FHOD3: variants seen among roughly 807,000 people sequenced by gnomAD.
FHOD3 encodes the protein formin homology 2 domain containing 3.
A neutral mutation model predicts 173.0 loss-of-function variants in FHOD3; 90 were observed. That is an observed-to-expected ratio of 0.52 (90% CI 0.44 to 0.62). The LOEUF is 0.62. FHOD3 is among the 20% of genes least tolerant of loss of function. The pLI, the probability that FHOD3 is intolerant of heterozygous loss-of-function variation, is 0.00. For missense variants in FHOD3, 1,945 were observed against 2,034.7 expected (o/e 0.96, Z 0.85); for synonymous variants, 828 against 823.0 (o/e 1.01, Z -0.10).
chr18:36,555,937 A>G (rs2057862034), intron 5 of FHOD3, among the ~76,000 whole-genome samples: 1 of 152,078 alleles, frequency 6.6e-6, no homozygotes, highest in Admixed American at 6.6e-5. Flanking sequence ...TTCTCTTTAT[A>G]TGAAAAGATC....
chr18:36,391,768 GA>G (rs33967498), intron 3 of FHOD3, among the ~76,000 whole-genome samples: 6,593 of 152,158 alleles, frequency 0.043, 476 homozygotes, highest in African/African-American at 0.15. Context: ...ATGAGATGAT[GA>G]GACACCTCCT....
intron 3 of FHOD3, among the ~76,000 whole-genome samples, chr18:36,493,213 C>CTTTTTTTTTTT (rs60189688): frequency 2.9e-5 from 4 of 138,158 alleles, no homozygotes; most frequent in Admixed American, 7.2e-5. Context: ...TTTTCTTTTT[C>CTTTTTTTTTTT]TTTTTTTTTT....
At chr18:36,667,163 C>G (rs141940891) in intron 14 of FHOD3, among the ~76,000 whole-genome samples, 23 of 152,260 alleles carry the variant, frequency 1.5e-4, no homozygotes, top group Middle Eastern at 3.4e-3. Flanking sequence ...TGTTGATAGA[C>G]ACTTGGGTTG....
At chr18:36,472,335 A>G (rs953308589) in intron 3 of FHOD3, among the ~76,000 whole-genome samples, 2 of 152,226 alleles carry the variant, frequency 1.3e-5, no homozygotes, top group South Asian at 4.1e-4. Flanking sequence ...TTTATGGATG[A>G]GAAAAAACCA....
At chr18:36,438,869 T>C (rs565296823) in intron 3 of FHOD3, among the ~76,000 whole-genome samples, 2 of 152,352 alleles carry the variant, frequency 1.3e-5, no homozygotes, top group Non-Finnish European at 1.5e-5. Context: ...CTGACATCCG[T>C]GTGGCCTCAG....
At chr18:36,612,172 C>A in intron 9 of FHOD3, 77 bp downstream of exon 9, 1 of 1,502,236 alleles carries the variant, frequency 6.7e-7, no homozygotes, top group Non-Finnish European at 9.0e-7. Flanking sequence ...CTACTTTAGA[C>A]CACGCGTAAA....
intron 3 of FHOD3, among the ~76,000 whole-genome samples, chr18:36,471,299 C>T (rs917761584): frequency 3.4e-4 from 52 of 152,236 alleles, no homozygotes; most frequent in African/African-American, 1.2e-3. Context: ...GGCCCCACAC[C>T]CCAGCTCTGG....
At chr18:36,357,112 T>C (rs1047837302) in intron 2 of FHOD3, among the ~76,000 whole-genome samples, 1 of 152,232 alleles carries the variant, frequency 6.6e-6, no homozygotes, top group Admixed American at 6.5e-5. Context: ...GTCCACTGAA[T>C]ACTATCTGGG....
intron 3 of FHOD3, among the ~76,000 whole-genome samples, chr18:36,493,395 G>A (rs943198411): frequency 1.5e-4 from 23 of 151,974 alleles, no homozygotes; most frequent in African/African-American, 5.6e-4. Flanking sequence ...GTGAGGCTGC[G>A]GGTTGAAATG....
chr18:36,316,594 T>C lies in FHOD3; in HGVS notation c.165+18594T>C, dbSNP rs1042818683. On this transcript the variant is annotated intron_variant, in intron 1 of 28. Transcript: ENST00000590592. ...TGGTGTTATTAATGTTTTAGTAGTT[T>C]CCGATCAGTTTATTTAGGGCTCAGA... 2.0e-5 allele frequency among the ~76,000 whole-genome samples: 3 copies of C among 152,210 alleles called. No homozygotes were observed. In the East Asian group the frequency reaches 5.8e-4, roughly 29 times the overall value.
At chr18:36,404,407 A>G (rs1422923643) in intron 3 of FHOD3, among the ~76,000 whole-genome samples, 1 of 152,232 alleles carries the variant, frequency 6.6e-6, no homozygotes, top group Non-Finnish European at 1.5e-5. Context: ...AGTTGATAAA[A>G]TGAATTAAAT....
In FHOD3 at chr18:36,441,701, A is replaced by T. The variant is rs370447506; in HGVS notation, c.338-60231A>T. On this transcript the variant is annotated intron_variant, in intron 3 of 28. Coordinates refer to ENST00000590592, the MANE Select transcript of FHOD3 (RefSeq NM_001281740.3). Reference sequence around the variant, plus strand: ...CTTCGCACAAACAGCTGTGCTGTGTAATTGCCGTGATGCTCCTTAATTATA... The same window carrying T: ...CTTCGCACAAACAGCTGTGCTGTGTTATTGCCGTGATGCTCCTTAATTATA... 2.3e-4 allele frequency among the ~76,000 whole-genome samples: 35 copies of T among 152,334 alleles called. No individual in the cohort carries two copies. The South Asian group carries it at 7.0e-3, about 31-fold the overall frequency.
intron 3 of FHOD3, among the ~76,000 whole-genome samples, chr18:36,452,884 A>G (rs147824571): frequency 2.6e-5 from 4 of 152,146 alleles, no homozygotes; most frequent in Non-Finnish European, 5.9e-5. Flanking sequence ...ATATGTGTGT[A>G]TATATATGCA....
chr18:36,348,515 C>G (rs2045970716), intron 1 of FHOD3, among the ~76,000 whole-genome samples: 1 of 152,116 alleles, frequency 6.6e-6, no homozygotes, highest in African/African-American at 2.4e-5. Context: ...TGAAATTCTT[C>G]CAAGTTTTAT....
chr18:36,509,295 C>T (rs1383585353), intron 4 of FHOD3, among the ~76,000 whole-genome samples: 1 of 151,846 alleles, frequency 6.6e-6, no homozygotes, highest in East Asian at 1.9e-4. Context: ...GGCATGGTGG[C>T]GGGCGCCTGT....
intron 3 of FHOD3, among the ~76,000 whole-genome samples, chr18:36,445,036 G>A (rs760638438): frequency 1.3e-5 from 2 of 152,208 alleles, no homozygotes; most frequent in Non-Finnish European, 2.9e-5. Flanking sequence ...AAAGATTGTA[G>A]TAAGGTAATC....
intron 3 of FHOD3, among the ~76,000 whole-genome samples, chr18:36,428,032 T>C (rs1000772085): frequency 2.6e-5 from 4 of 152,220 alleles, no homozygotes; most frequent in African/African-American, 9.6e-5. Flanking sequence ...TTAGCTTTCC[T>C]GACTTTCCAC....
chr18:36,439,523 G>A (rs9962185), intron 3 of FHOD3, among the ~76,000 whole-genome samples: 3,059 of 15,304 alleles, frequency 0.2, 50 homozygotes, highest in African/African-American at 0.36. Context: ...CCAATAGAAT[G>A]TGTGTGTGTG....
chr18:36,491,473 G>A (rs1447518529), intron 3 of FHOD3, among the ~76,000 whole-genome samples: 1 of 152,122 alleles, frequency 6.6e-6, no homozygotes, highest in Non-Finnish European at 1.5e-5. Flanking sequence ...TATTCTATGG[G>A]TTTTGACAAA....
Sources: gnomAD v4.1 joint callset for allele counts (sites outside exome capture counted in the v4.1 genomes callset) on GRCh38, gnomAD v4.1.1 for gene constraint, MANE v1.5 for transcripts, NCBI Gene and HGNC (gene_info 2026-07-23, HGNC 2026-07-21) for gene names.